Variants in DTNBP1 observed in about 807,000 individuals in gnomAD.
DTNBP1 encodes the protein dystrobrevin binding protein 1, also known as dysbindin.
A neutral mutation model predicts 42.8 loss-of-function variants in DTNBP1; 35 were observed. The ratio of observed to expected loss-of-function variants is 0.82; its 90% CI spans 0.63 to 1.09. DTNBP1 has a LOEUF of 1.09. Ranked by LOEUF, DTNBP1 falls within the 50% of genes least tolerant of loss-of-function variation. The probability of loss-of-function intolerance (pLI) is 0.00; values close to 1 mark genes in which losing one functional copy is unlikely to be tolerated. For missense variants in DTNBP1, 457 were observed against 424.2 expected (o/e 1.08, Z -0.68); for synonymous variants, 171 against 162.2 (o/e 1.05, Z -0.41).
At chr6:15,644,256 A>G (rs996885364) in intron 3 of DTNBP1, among the ~76,000 whole-genome samples, 1 of 152,138 alleles carries the variant, frequency 6.6e-6, no homozygotes. Context: ...TATCCTAAAT[A>G]TATATGTACC....
At chr6:15,622,661 C>T (rs192580519) in intron 5 of DTNBP1, among the ~76,000 whole-genome samples, 27 of 152,226 alleles carry the variant, frequency 1.8e-4, no homozygotes, top group African/African-American at 5.3e-4. Flanking sequence ...CTATAACAAC[C>T]GCATATGTCT....
chr6:15,662,671 T>C, intron 1 of DTNBP1, 143 bp downstream of exon 1: 1 of 1,251,436 alleles, frequency 8.0e-7, no homozygotes, highest in Non-Finnish European at 1.1e-6. Flanking sequence ...GGAAGTTCGT[T>C]ACTTTCCTCG....
At chr6:15,547,644 G>T (rs1354949986) in intron 7 of DTNBP1, among the ~76,000 whole-genome samples, 3 of 152,212 alleles carry the variant, frequency 2.0e-5, no homozygotes, top group Non-Finnish European at 4.4e-5. Context: ...ATTGCCTGTT[G>T]TCAACCTTAT....
intron 1 of DTNBP1, 102 bp downstream of exon 1, chr6:15,662,692 GCGGGGAGGTGCGGGACAGGA>G: frequency 7.5e-7 from 1 of 1,332,724 alleles, no homozygotes; most frequent in Non-Finnish European, 1.0e-6. Context: ...GCGGGGCGGG[GCGGGGAGGTGCGGGACAGGA>G]CGGACCCTGG....
At chr6:15,535,025 T>C (rs1773129142) in intron 7 of DTNBP1, among the ~76,000 whole-genome samples, 1 of 152,106 alleles carries the variant, frequency 6.6e-6, no homozygotes, top group African/African-American at 2.4e-5. Flanking sequence ...CGTGATATGG[T>C]TTAGCTCTGT....
chr6:15,529,954 G>A (rs188704104), intron 8 of DTNBP1, among the ~76,000 whole-genome samples: 1 of 152,260 alleles, frequency 6.6e-6, no homozygotes, highest in African/African-American at 2.4e-5. Flanking sequence ...TCAAGCCTGA[G>A]AGCCTCTGTG....
intron 1 of DTNBP1, among the ~76,000 whole-genome samples, chr6:15,655,638 G>GC (rs1761236886): frequency 1.3e-5 from 1 of 75,564 alleles, no homozygotes; most frequent in South Asian, 3.4e-4. Context: ...GTAAAACGAA[G>GC]TTAAAAAAAA....
intron 5 of DTNBP1, 114 bp from the exon 6 acceptor site, chr6:15,615,513 A>C (rs1336413451): frequency 1.4e-6 from 2 of 1,398,920 alleles, no homozygotes; most frequent in Non-Finnish European, 2.0e-6. Flanking sequence ...TTGCATTTTT[A>C]ATGTTTTTTA....
At chr6:15,541,986 G>GT (rs1292473932) in intron 7 of DTNBP1, among the ~76,000 whole-genome samples, 1 of 152,128 alleles carries the variant, frequency 6.6e-6, no homozygotes, top group Non-Finnish European at 1.5e-5. Flanking sequence ...AATGTTAAAA[G>GT]AGAAACAGTA....
At chr6:15,546,063 C>CT (rs34253215) in intron 7 of DTNBP1, 83,456 of 305,248 alleles carry the variant, frequency 0.27, 9,407 homozygotes, top group African/African-American at 0.4. Flanking sequence ...ACCTCCAGTT[C>CT]TTTTTTTTTT....
intron 7 of DTNBP1, among the ~76,000 whole-genome samples, chr6:15,537,403 T>C (rs1773302275): frequency 6.6e-6 from 1 of 150,572 alleles, no homozygotes; most frequent in South Asian, 2.1e-4. Flanking sequence ...CACTCCAGCC[T>C]GGGCGACAGC....
At chr6:15,597,581 T>C (rs1363318663) in intron 6 of DTNBP1, among the ~76,000 whole-genome samples, 2 of 152,248 alleles carry the variant, frequency 1.3e-5, no homozygotes, top group Non-Finnish European at 2.9e-5. Context: ...ATCCAATCAG[T>C]GATCTCTCCT....
chr6:15,597,443 T>C (rs1776559298), intron 6 of DTNBP1, among the ~76,000 whole-genome samples: 1 of 152,308 alleles, frequency 6.6e-6, no homozygotes, highest in African/African-American at 2.4e-5. Flanking sequence ...TGAAAAAGCA[T>C]GGGTAAGCAG....
chr6:15,618,737 G>A (rs1758864915), intron 5 of DTNBP1, among the ~76,000 whole-genome samples: 1 of 152,092 alleles, frequency 6.6e-6, no homozygotes, highest in Non-Finnish European at 1.5e-5. Flanking sequence ...ATACAGCCAA[G>A]GGAAAGGAAA....
chr6:15,539,397 C>G (rs917240730), intron 7 of DTNBP1, among the ~76,000 whole-genome samples: 5 of 152,230 alleles, frequency 3.3e-5, no homozygotes, highest in Non-Finnish European at 5.9e-5. Context: ...AACTCAGGTC[C>G]TACACTCCTA....
At chr6:15,582,353 C>G (rs1164523598) in intron 7 of DTNBP1, among the ~76,000 whole-genome samples, 2 of 152,172 alleles carry the variant, frequency 1.3e-5, no homozygotes, top group African/African-American at 2.4e-5. Context: ...GTTTAACTCT[C>G]TAAGTCTCAA....
intron 5 of DTNBP1, among the ~76,000 whole-genome samples, chr6:15,625,422 G>T (rs539025264): frequency 6.6e-6 from 1 of 152,304 alleles, no homozygotes; most frequent in Non-Finnish European, 1.5e-5. Context: ...TTTAGTGTTA[G>T]ATGTTCTCAG....
intron 1 of DTNBP1, among the ~76,000 whole-genome samples, chr6:15,658,041 C>T (rs1761382216): frequency 6.6e-6 from 1 of 152,192 alleles, no homozygotes; most frequent in Non-Finnish European, 1.5e-5. Flanking sequence ...TTCTGCTTTG[C>T]TTTATATCAG....
intron 1 of DTNBP1, among the ~76,000 whole-genome samples, chr6:15,655,640 TA>T (rs5874522): frequency 1.3e-3 from 177 of 141,006 alleles, no homozygotes; most frequent in Admixed American, 1.5e-3. Context: ...AAAACGAAGT[TA>T]AAAAAAAAAA....
Sources: allele counts gnomAD v4.1 joint callset (sites outside exome capture counted in the v4.1 genomes callset), GRCh38; gene constraint gnomAD v4.1.1; transcripts MANE v1.5; gene names NCBI Gene and HGNC (gene_info 2026-07-23, HGNC 2026-07-21).